The following FCRL2 variants were observed in gnomAD, a reference collection of about 807,000 sequenced individuals.
The protein encoded by FCRL2 is Fc receptor-like protein 2.
In FCRL2, 48 loss-of-function variants were observed where a neutral mutation model predicts 59.8. The ratio of observed to expected loss-of-function variants is 0.80; its 90% CI spans 0.64 to 1.02. The LOEUF (loss-of-function observed/expected upper bound fraction) is 1.02. Ranked by LOEUF, FCRL2 falls within the 50% of genes least tolerant of loss-of-function variation. FCRL2 has a pLI of 0.00. For missense variants in FCRL2, 658 were observed against 597.3 expected (o/e 1.10, Z -1.06); for synonymous variants, 251 against 229.5 (o/e 1.09, Z -0.85).
intron 7 of FCRL2, 102 bp from the exon 8 acceptor site, chr1:157,749,779 A>G (rs1046569259): frequency 6.2e-6 from 5 of 807,888 alleles, no homozygotes; most frequent in African/African-American, 1.7e-5. Context: ...AAGACATAAG[A>G]TATAGAAGAG....
rs906188945 is a variant in FCRL2 at position 157,745,887 on chromosome 1, C to T, written c.*849G>A. The T allele has an allele frequency of 3.9e-5, 6 of 152,112 alleles. No individual in the cohort carries two copies. The highest frequency in any genetic ancestry group is 7.4e-5 in the Non-Finnish European group (5 of 68,012). The allele number at this position is 152,112 out of a possible 1,614,324, so 9.4% of individuals were successfully genotyped here. A position where few individuals can be genotyped will look rare whatever the true frequency, so the allele number is the denominator to read the frequency against. On this transcript the variant is annotated 3_prime_UTR_variant, in exon 12 of 12. Transcript: ENST00000361516. ...TCAGTTCCAGACTACCAAAATAAAA[C>T]AAATGCTGCAATAAAGCAAGTCACA...
intron 7 of FCRL2, among the ~76,000 whole-genome samples, chr1:157,752,707 G>T (rs909060650): frequency 6.6e-6 from 1 of 152,068 alleles, no homozygotes. Flanking sequence ...AATATCTCAG[G>T]AGTAAACTTA....
intron 7 of FCRL2, among the ~76,000 whole-genome samples, chr1:157,760,654 A>AGAAG (rs796961253): frequency 0.039 from 5,039 of 129,422 alleles, 179 homozygotes; most frequent in African/African-American, 0.056. Context: ...AAAGAAAGAA[A>AGAAG]GAAGGAAGGA....
intron 7 of FCRL2, among the ~76,000 whole-genome samples, chr1:157,750,082 AT>A (rs1648068859): frequency 6.6e-6 from 1 of 152,158 alleles, no homozygotes; most frequent in Non-Finnish European, 1.5e-5. Flanking sequence ...GCCATTCTTA[AT>A]TTTTAAATGT....
chr1:157,747,634 T>C (rs530020141), intron 10 of FCRL2, among the ~76,000 whole-genome samples: 1 of 152,292 alleles, frequency 6.6e-6, no homozygotes, highest in South Asian at 2.1e-4. Flanking sequence ...CAACAGCCAC[T>C]GGCTCCATCA....
chr1:157,768,952 G>C, intron 4 of FCRL2: 1 of 407,304 alleles, frequency 2.5e-6, no homozygotes, highest in Non-Finnish European at 4.3e-6. Context: ...AGATCTCCAT[G>C]AGACAGGAAA....
At chr1:157,747,671 G>A (rs951372688) in intron 10 of FCRL2, among the ~76,000 whole-genome samples, 1 of 152,166 alleles carries the variant, frequency 6.6e-6, no homozygotes, top group East Asian at 1.9e-4. Flanking sequence ...CAGAACAAAG[G>A]ACAGCTTTTA....
intron 7 of FCRL2, among the ~76,000 whole-genome samples, chr1:157,760,818 G>GA (rs1649041028): frequency 2.1e-5 from 3 of 145,210 alleles, no homozygotes; most frequent in Non-Finnish European, 4.6e-5. Flanking sequence ...AGGAGGGAAG[G>GA]AAGGAAGGAA....
intron 7 of FCRL2, among the ~76,000 whole-genome samples, chr1:157,766,362 T>C (rs1649495752): frequency 6.6e-6 from 1 of 151,974 alleles, no homozygotes; most frequent in Non-Finnish European, 1.5e-5. Context: ...TCCCAGCTAC[T>C]CGGGAGGTTG....
chr1:157,760,255 C>T (rs1348445305), intron 7 of FCRL2, among the ~76,000 whole-genome samples: 3 of 152,030 alleles, frequency 2.0e-5, no homozygotes, highest in Non-Finnish European at 4.4e-5. Flanking sequence ...CATATGAACA[C>T]AAAGAAGAGT....
chr1:157,769,794 G>A (rs1649841955), intron 4 of FCRL2, 72 bp downstream of exon 4: 2 of 1,516,978 alleles, frequency 1.3e-6, no homozygotes, highest in Admixed American at 3.7e-5. Context: ...CAAAGAAACA[G>A]ACTAGTAGTC....
In FCRL2 at chr1:157,766,955, TCTATAGCCATC is replaced by T; in HGVS notation, c.1168_1178del (p.Asp390LysfsTer40). ...GAACTCCAGCTGTCATGAGGTCTCT[TCTATAGCCATC>T]AGGTCCTGAGGAAAGAAAGCAGTGC... On this transcript the variant is annotated frameshift_variant, in exon 7 of 12. Transcript: ENST00000361516. LOFTEE classifies it high-confidence loss of function. 1.2e-6 allele frequency: 2 copies of T among 1,613,590 alleles called. No homozygotes were observed. The highest frequency in any genetic ancestry group is 2.2e-5 in the South Asian group (2 of 90,842).
At chr1:157,760,769 A>AGG (rs1649028990) in intron 7 of FCRL2, among the ~76,000 whole-genome samples, 1 of 143,518 alleles carries the variant, frequency 7.0e-6, no homozygotes, top group African/African-American at 2.8e-5. Context: ...AAAGAATGAA[A>AGG]AAAGAAAGGA....
chr1:157,766,403 G>A (rs910197593), intron 7 of FCRL2, among the ~76,000 whole-genome samples: 5 of 152,126 alleles, frequency 3.3e-5, no homozygotes, highest in East Asian at 3.9e-4. Context: ...CCCAGGAGGC[G>A]GAGCTTGCAG....
At position 157,770,402 on chromosome 1, in the gene FCRL2, G is replaced by GT. The variant is rs1649908779; in HGVS notation, c.310+6dup. 1.3e-6 allele frequency: 2 copies of GT among 1,578,976 alleles called. No individual in the cohort carries two copies. The highest frequency in any genetic ancestry group is 1.7e-6 in the Non-Finnish European group (2 of 1,156,572). ...CCCAGCCCATCCCACAGAAGTCAGG[G>GT]TTTTACCTTGGACTTTTATCTTTAC... On this transcript the variant is annotated splice_region_variant and intron_variant, in intron 3 of 11. Transcript: ENST00000361516.
intron 7 of FCRL2, among the ~76,000 whole-genome samples, chr1:157,757,803 A>C (rs1648715072): frequency 6.6e-6 from 1 of 152,186 alleles, no homozygotes; most frequent in Admixed American, 6.5e-5. Flanking sequence ...TCTACTAAAA[A>C]TACAAAAAAT....
At chr1:157,760,959 A>G (rs1571271132) in intron 7 of FCRL2, among the ~76,000 whole-genome samples, 1 of 152,312 alleles carries the variant, frequency 6.6e-6, no homozygotes, top group Non-Finnish European at 1.5e-5. Flanking sequence ...TAAACGTTGG[A>G]AGTAAAAAAT....
chr1:157,760,781 G>A (rs1160317564), intron 7 of FCRL2, among the ~76,000 whole-genome samples: 1 of 145,086 alleles, frequency 6.9e-6, no homozygotes, highest in African/African-American at 2.8e-5. Context: ...AAGAAAGGAA[G>A]GAAGGAAGGA....
rs1301261038 is a variant in FCRL2, at chr1:157,769,932, ACCAGTAAGAC to A, written c.519_528del (p.Ser174AlafsTer6). On this transcript the variant is annotated frameshift_variant, in exon 4 of 12. Transcript: ENST00000361516. LOFTEE classifies it high-confidence loss of function. ...CTGTGAGTCACCGTTTCTGCCTTGC[ACCAGTAAGAC>A]CCTGTGTCTTCACTCCACACGGCAG... The A allele has an allele frequency of 1.2e-6, 2 of 1,614,040 alleles. No individual in the cohort carries two copies. Among genetic ancestry groups the A allele is most frequent in the Admixed American group, 3.3e-5 (2 of 59,998 alleles).
Sources: allele counts gnomAD v4.1 joint callset (sites outside exome capture counted in the v4.1 genomes callset), GRCh38; gene constraint gnomAD v4.1.1; transcripts MANE v1.5; gene names NCBI Gene and HGNC (gene_info 2026-07-23, HGNC 2026-07-21).